PTK2: variants seen among roughly 807,000 people sequenced by gnomAD.
PTK2 encodes protein tyrosine kinase 2, also known as focal adhesion kinase 1.
PTK2 carries 45 observed loss-of-function variants against 150.1 expected under a neutral mutation model. That is an observed-to-expected ratio of 0.30 (90% CI 0.24 to 0.38). The LOEUF (loss-of-function observed/expected upper bound fraction) is 0.38. PTK2 is among the 10% of genes least tolerant of loss of function. The pLI is 1.00. For synonymous variants in PTK2, 432 were observed against 449.2 expected, an observed-to-expected ratio of 0.96 and a Z score of 0.48; for missense variants, 919 against 1,307.3, an observed-to-expected ratio of 0.70 and a Z score of 4.58.
Position 140,725,881 on chromosome 8 carries a change from T to A in PTK2, c.2031-8172A>T, listed in dbSNP as rs183742949. 3.5e-3 allele frequency among the ~76,000 whole-genome samples: 533 copies of A among 150,998 alleles called. 4 individuals carry two copies. Among genetic ancestry groups the A allele is most frequent in the African/African-American group, 0.013 (518 of 41,194 alleles). On this transcript the variant is annotated intron_variant, in intron 22 of 31. Coordinates refer to ENST00000522684, the Ensembl canonical transcript of PTK2. ...AAACCCATAAAAATGTGACCCATTC[T>A]CAAGAGGAAAAAAAATTAAAGGAGG... is the stretch of plus-strand genomic sequence containing the variant.
chr8:140,995,698 A>T (rs980261820), intron 1 of PTK2, among the ~76,000 whole-genome samples: 8 of 151,906 alleles, frequency 5.3e-5, no homozygotes, highest in African/African-American at 1.9e-4. Context: ...AGTCCCAGCT[A>T]CTCAGGAGGC....
chr8:140,710,001 CA>C (rs1430654839), intron 23 of PTK2, among the ~76,000 whole-genome samples: 2 of 151,970 alleles, frequency 1.3e-5, no homozygotes, highest in South Asian at 2.1e-4. Context: ...AAAAATAATA[CA>C]AACAAAAAGA....
intron 7 of PTK2, among the ~76,000 whole-genome samples, chr8:140,838,619 C>T (rs2100120252): frequency 6.6e-6 from 1 of 152,134 alleles, no homozygotes; most frequent in Admixed American, 6.5e-5. Context: ...ATTGCTTGAC[C>T]AGCATCTGTT....
At position 140,666,292 on chromosome 8, in the gene PTK2, C is replaced by G. The variant is rs955467833; in HGVS notation, c.2866-1295G>C. The stretch of plus-strand genomic sequence containing the variant: ...GGCAGGGGTTGCAGTGAACCAAGAT[C>G]GTGCCATTGCACTCCAGCCTGGGAG... On this transcript the variant is annotated intron_variant, in intron 30 of 31. Coordinates refer to ENST00000522684, the Ensembl canonical transcript of PTK2. 2.6e-5 allele frequency among the ~76,000 whole-genome samples: 4 copies of G among 152,068 alleles called. No homozygotes were observed. In the East Asian group the frequency reaches 5.8e-4, roughly 22 times the overall value.
At chr8:140,823,979 C>A (rs1277599949) in intron 8 of PTK2, among the ~76,000 whole-genome samples, 1 of 152,188 alleles carries the variant, frequency 6.6e-6, no homozygotes, top group South Asian at 2.1e-4. Context: ...TTTCTCTTGG[C>A]CTCTTATTTC....
At chr8:140,756,689 C>T (rs1395879912) in intron 16 of PTK2, among the ~76,000 whole-genome samples, 2 of 128,194 alleles carry the variant, frequency 1.6e-5, no homozygotes, top group African/African-American at 5.9e-5. Flanking sequence ...GAAACTCTGT[C>T]TCAAAAAAAA....
intron 1 of PTK2, among the ~76,000 whole-genome samples, chr8:140,958,990 C>T (rs1398259100): frequency 6.6e-6 from 1 of 152,130 alleles, no homozygotes; most frequent in Non-Finnish European, 1.5e-5. Context: ...AGTGTCTCTT[C>T]CCCGTTGCTC....
intron 1 of PTK2, among the ~76,000 whole-genome samples, chr8:140,969,666 A>G (rs532389599): frequency 3.3e-5 from 5 of 152,248 alleles, no homozygotes; most frequent in African/African-American, 1.2e-4. Flanking sequence ...TGTCAATTCT[A>G]GAGTTCCCCA....
chr8:140,840,796 C>T (rs1046004346), intron 7 of PTK2, among the ~76,000 whole-genome samples: 2 of 152,120 alleles, frequency 1.3e-5, no homozygotes, highest in African/African-American at 4.8e-5. Context: ...CTAAACCTGT[C>T]AGTTCAAAGA....
At chr8:140,753,811 G>C (rs1338236645) in intron 16 of PTK2, among the ~76,000 whole-genome samples, 1 of 152,046 alleles carries the variant, frequency 6.6e-6, no homozygotes, top group Non-Finnish European at 1.5e-5. Flanking sequence ...CAAGTAACTT[G>C]CCTGTTTTGT....
intron 1 of PTK2, among the ~76,000 whole-genome samples, chr8:140,962,248 G>T (rs1170294824): frequency 7.3e-6 from 1 of 136,776 alleles, no homozygotes; most frequent in African/African-American, 2.6e-5. Context: ...AGGAAGAAAG[G>T]AAGGGAGGAA....
At chr8:140,783,140 C>G (rs538774971) in intron 14 of PTK2, among the ~76,000 whole-genome samples, 23 of 152,230 alleles carry the variant, frequency 1.5e-4, no homozygotes, top group Admixed American at 1.2e-3. Context: ...ACTTGGGAAG[C>G]TAAGGCAGGA....
At chr8:140,818,423 C>T (rs1174411144) in intron 9 of PTK2, 69 bp from the exon 10 acceptor site, 5 of 1,381,232 alleles carry the variant, frequency 3.6e-6, no homozygotes, top group African/African-American at 2.9e-5. Flanking sequence ...GATAAAGAGC[C>T]GTGGATATGT....
At chr8:140,886,246 A>T (rs2100152240) in intron 3 of PTK2, among the ~76,000 whole-genome samples, 1 of 152,220 alleles carries the variant, frequency 6.6e-6, no homozygotes, top group African/African-American at 2.4e-5. Flanking sequence ...TTGTAGCAAG[A>T]AGTGTAAAGA....
intron 31 of PTK2, among the ~76,000 whole-genome samples, chr8:140,663,833 T>C (rs1441253110): frequency 6.6e-6 from 1 of 152,026 alleles, no homozygotes; most frequent in Non-Finnish European, 1.5e-5. Context: ...TTTTAAAAAT[T>C]TTTTGTAGAG....
intron 18 of PTK2, among the ~76,000 whole-genome samples, chr8:140,745,597 T>C (rs1214961926): frequency 6.6e-6 from 1 of 152,202 alleles, no homozygotes; most frequent in Non-Finnish European, 1.5e-5. Context: ...AGGCCTGGGA[T>C]GGGGCACAAG....
At chr8:140,998,611 G>T (rs917980421) in intron 1 of PTK2, among the ~76,000 whole-genome samples, 1 of 151,960 alleles carries the variant, frequency 6.6e-6, no homozygotes, top group Admixed American at 6.6e-5. Flanking sequence ...GAGGTCAGGA[G>T]ATCGAGACCA....
intron 2 of PTK2, among the ~76,000 whole-genome samples, chr8:140,891,316 C>T (rs563057050): frequency 8.0e-4 from 122 of 151,908 alleles, no homozygotes; most frequent in African/African-American, 2.8e-3. Flanking sequence ...GAAAACAAAA[C>T]GAAAAAAGCA....
At chr8:140,884,442 G>A (rs886590643) in intron 3 of PTK2, among the ~76,000 whole-genome samples, 12 of 152,004 alleles carry the variant, frequency 7.9e-5, no homozygotes, top group African/African-American at 2.2e-4. Context: ...ATTTGAATCC[G>A]TAACAATCAA....
Sources: gnomAD v4.1 joint callset for allele counts (sites outside exome capture counted in the v4.1 genomes callset) on GRCh38, gnomAD v4.1.1 for gene constraint, MANE v1.5 for transcripts, NCBI Gene and HGNC (gene_info 2026-07-23, HGNC 2026-07-21) for gene names.